Variants in SLC4A11 observed in about 807,000 individuals in gnomAD.
SLC4A11 encodes bicarbonate transporter related protein 1.
In SLC4A11, 74 loss-of-function variants were observed where a neutral mutation model predicts 95.0. The ratio of observed to expected loss-of-function variants is 0.78; its 90% CI spans 0.65 to 0.95. SLC4A11 has a LOEUF of 0.95. Ranked by LOEUF, SLC4A11 falls within the 40% of genes least tolerant of loss-of-function variation. The pLI, the probability that SLC4A11 is intolerant of heterozygous loss-of-function variation, is 0.00. For synonymous variants in SLC4A11, 548 were observed against 519.0 expected, an observed-to-expected ratio of 1.06 and a Z score of -0.76; for missense variants, 1,081 against 1,192.4, an observed-to-expected ratio of 0.91 and a Z score of 1.38.
intron 2 of SLC4A11, among the ~76,000 whole-genome samples, chr20:3,235,419 C>T (rs574836431): frequency 6.6e-6 from 1 of 151,794 alleles, no homozygotes; most frequent in Non-Finnish European, 1.5e-5. Context: ...GGAGAAGCAT[C>T]GAGGCTGAGA....
intron 2 of SLC4A11, among the ~76,000 whole-genome samples, chr20:3,236,823 C>T (rs971298433): frequency 1.3e-5 from 2 of 152,058 alleles, no homozygotes; most frequent in Non-Finnish European, 2.9e-5. Context: ...CTCAGCTCTA[C>T]CTTAGACTTA....
chr20:3,230,700 G>A, intron 11 of SLC4A11, 32 bp downstream of exon 11: 1 of 1,612,964 alleles, frequency 6.2e-7, no homozygotes, highest in Non-Finnish European at 8.5e-7. Context: ...AGGGGTCTCA[G>A]GCACCATCTC....
intron 13 of SLC4A11, 115 bp downstream of exon 13, chr20:3,230,072 T>C: frequency 7.6e-7 from 1 of 1,313,906 alleles, no homozygotes; most frequent in Non-Finnish European, 1.1e-6. Flanking sequence ...GCACCCTTGA[T>C]CACGGGCACA....
chr20:3,227,941 C>A, intron 19 of SLC4A11, 85 bp from the exon 20 acceptor site: 1 of 1,313,274 alleles, frequency 7.6e-7, no homozygotes, highest in South Asian at 1.3e-5. Context: ...AGCCCACCCA[C>A]AGGGCCAGGC....
rs1207066836 is a variant in SLC4A11 at position 3,231,397 on chromosome 20, T to C, written c.881A>G (p.His294Arg). 3 of 1,614,078 alleles carry C rather than the reference T, an allele frequency of 1.9e-6. No individual in the cohort carries two copies. Among genetic ancestry groups the C allele is most frequent in the South Asian group, 1.1e-5 (1 of 91,084 alleles). The part of the protein sequence containing the change: ...HQRQLLTMVS[H>R]GPVAPRTKER... Reference sequence around the variant, plus strand: ...CTTCGTTCTCGGCGCCACTGGACCGTGGCTCACCATGGTGAGCAGCTGTCT... The same window carrying C: ...CTTCGTTCTCGGCGCCACTGGACCGCGGCTCACCATGGTGAGCAGCTGTCT... Residue 294 changes from histidine to arginine, a missense_variant, in exon 8 of 20, where the codon CAC (histidine) becomes CGC (arginine). His to Arg is a conservative substitution (Grantham distance 29). Coordinates refer to ENST00000642402, the MANE Select transcript of SLC4A11 (RefSeq NM_001174089.2). This position sits in a 1 kb window ranked among gnomAD's most constrained non-coding sequence, Gnocchi z 5.2.
Position 3,230,647 on chromosome 20 carries a change from A to G in SLC4A11, c.1283T>C (p.Val428Ala), listed in dbSNP as rs2122542923. ...TTAPLALYIQ[V>A]IRVICDDYDL... ...ATAGTCATCACAGATGACACGAATC[A>G]CTGCAGGCAGGGGGCAGGGCGGGTC... Residue 428 changes from valine (V) to alanine (A), a missense_variant and splice_region_variant, in exon 12 of 20, where the codon GTG becomes GCG. By Grantham distance (64) the Val-to-Ala change is moderately conservative (BLOSUM62 0). This residue lies in a region of SLC4A11 where 767 missense variants were observed against 858.0 expected (regional missense o/e 0.89). Coordinates refer to ENST00000642402, the MANE Select transcript of SLC4A11 (RefSeq NM_001174089.2). The G allele has an allele frequency of 6.2e-7, 1 of 1,613,362 alleles. No individual in the cohort carries two copies. Among genetic ancestry groups the G allele is most frequent in the East Asian group, 2.2e-5 (1 of 44,838 alleles).
At position 3,234,774 on chromosome 20, in the gene SLC4A11, T is replaced by C. The variant is rs371191159; in HGVS notation, c.209A>G (p.Asn70Ser). The C allele has an allele frequency of 4.5e-5, 72 of 1,613,822 alleles. No individual in the cohort carries two copies. In the Middle Eastern group the frequency reaches 4.9e-4, roughly 11 times the overall value. ...VSGESIRFFV[N>S]VNLEMQATNT... is the part of the protein sequence containing the mutation. ...GGTGGCCTGCATCTCAAGGTTGACATTGACAAAAAAACGGATACTCTCGCC... is the reference window on the plus strand; with the variant it reads ...GGTGGCCTGCATCTCAAGGTTGACACTGACAAAAAAACGGATACTCTCGCC... Residue 70 changes from asparagine (N) to serine (S), a missense_variant, in exon 3 of 20, where the codon AAT becomes AGT. Transcript: ENST00000642402. The surrounding 1 kb of genome is among the most constrained non-coding windows in gnomAD (Gnocchi z 5.8).
intron 10 of SLC4A11, 33 bp downstream of exon 10, chr20:3,230,900 A>ACCCCCCCCCCCCCCCC: frequency 1.2e-6 from 2 of 1,610,700 alleles, no homozygotes; most frequent in Non-Finnish European, 1.7e-6. Context: ...AGCCCAGCAT[A>ACCCCCCCCCCCCCCCC]CCCCCACCCA....
At chr20:3,229,842 G>A (rs1414498271) in intron 13 of SLC4A11, 66 bp from the exon 14 acceptor site, 11 of 1,607,134 alleles carry the variant, frequency 6.8e-6, no homozygotes, top group Admixed American at 1.7e-5. Flanking sequence ...CCTGGAGGGA[G>A]GGGATCTCAG....
At position 3,228,426 on chromosome 20, in the gene SLC4A11, A is replaced by G; in HGVS notation, c.2391T>C (p.Thr797=). 1 of 1,613,124 alleles carries G rather than the reference A, an allele frequency of 6.2e-7. No individual in the cohort carries two copies. The highest frequency in any genetic ancestry group is 1.3e-5 in the African/African-American group (1 of 75,020). The part of the protein sequence containing the change: ...QRVALLLKEQ[T]AYPPTHYIRR... ...GGATGTAGTGTGTCGGGGGGTACGC[A>G]GTCTGTGGGCGGCAGGGACCGGGTG... is the stretch of plus-strand genomic sequence containing the variant. The change falls in exon 19 of 20, where the codon ACT becomes ACC. Residue 797 remains threonine (T), a splice_region_variant and synonymous_variant. Transcript: ENST00000642402.
rs751298338 is a variant in SLC4A11, at chr20:3,234,181, C to A, written c.425G>T (p.Arg142Leu). ...LDNVLRTMLR[R>L]FARDPDNNEP... is the part of the protein sequence containing the mutation. ...ATTGTTGTCAGGGTCCCTGGCGAAG[C>A]GGCGAAGCATGGTCCGCAGCACGTT... Residue 142 changes from arginine to leucine, a missense_variant, in exon 5 of 20, where the codon CGC (arginine) becomes CTC (leucine). Arg to Leu is a moderately radical substitution (Grantham distance 102). Around this residue, in one of 3 missense-constraint regions of SLC4A11, gnomAD observed 310 missense variants for 313.5 expected, o/e 0.99. Coordinates refer to ENST00000642402, the MANE Select transcript of SLC4A11 (RefSeq NM_001174089.2). The surrounding 1 kb of genome is among the most constrained non-coding windows in gnomAD (Gnocchi z 5.8). 1 of 1,613,928 alleles carries A rather than the reference C, an allele frequency of 6.2e-7. No individual in the cohort carries two copies. The highest frequency in any genetic ancestry group is 1.1e-5 in the South Asian group (1 of 91,076).
At chr20:3,238,395 G>C (rs1003009200) in intron 1 of SLC4A11, 2 of 984,878 alleles carry the variant, frequency 2.0e-6, no homozygotes, top group Non-Finnish European at 2.4e-6. Context: ...GAATGCAGGC[G>C]CGGGGCGGGA....
chr20:3,233,044 A>G (rs2067832426), intron 7 of SLC4A11, among the ~76,000 whole-genome samples: 1 of 152,232 alleles, frequency 6.6e-6, no homozygotes, highest in Admixed American at 6.5e-5. Context: ...GGCGCTGCCA[A>G]GGCCTTGGGA....
chr20:3,233,767 T>C, intron 6 of SLC4A11, 130 bp from the exon 7 acceptor site: 2 of 1,529,446 alleles, frequency 1.3e-6, no homozygotes, highest in South Asian at 1.1e-5. Flanking sequence ...AAATGGGACG[T>C]TCCTTGGCAG....
chr20:3,229,065 G>GCCCACCCCACCCTCA (rs2067651782), intron 16 of SLC4A11, 30 bp downstream of exon 16: 1 of 214,426 alleles, frequency 4.7e-6, no homozygotes. Flanking sequence ...CCCGGGCCCC[G>GCCCACCCCACCCTCA]CCCACCCCAC....
In SLC4A11 at chr20:3,234,735, C is replaced by T. The variant is rs571561778; in HGVS notation, c.241+7G>A. ...CCCCCAGTCTGCCCCTGCTGCAGCC[C>T]CCATACCAGTGTTGGTGGCCTGCAT... On this transcript the variant is annotated splice_region_variant and intron_variant, in intron 3 of 19. Transcript: ENST00000642402. This position sits in a 1 kb window ranked among gnomAD's most constrained non-coding sequence, Gnocchi z 5.8. 4 of 1,613,972 alleles carry T rather than the reference C, an allele frequency of 2.5e-6. No homozygotes were observed. Among genetic ancestry groups the T allele is most frequent in the African/African-American group, 1.3e-5 (1 of 75,020 alleles).
In SLC4A11 at chr20:3,231,696, C is replaced by T. The variant is rs1168919746; in HGVS notation, c.730-148G>A. The stretch of plus-strand genomic sequence containing the variant: ...TTTGAGACAGGGTCTCACTGTCACC[C>T]AGGCTGAGTGCAGTGGCACACTCAC... On this transcript the variant is annotated intron_variant, in intron 7 of 19. Transcript: ENST00000642402. This position sits in a 1 kb window ranked among gnomAD's most constrained non-coding sequence, Gnocchi z 5.2. The T allele has an allele frequency of 5.5e-6, 4 of 727,698 alleles. No homozygotes were observed. The highest frequency in any genetic ancestry group is 5.4e-5 in the East Asian group (2 of 37,062). 45.1% of individuals were successfully genotyped at this position (727,698 alleles called of 1,614,324 possible).
Position 3,230,861 on chromosome 20 carries a change from G to A in SLC4A11, c.1169-16C>T. ...TTCTGCACGTCTGTGGGGGTGCGGAGGTCAGGTGGGCGCCGCAGCCCAGGG... is the reference window on the plus strand; with the variant it reads ...TTCTGCACGTCTGTGGGGGTGCGGAAGTCAGGTGGGCGCCGCAGCCCAGGG... On this transcript the variant is annotated splice_polypyrimidine_tract_variant and intron_variant, in intron 10 of 19. Transcript: ENST00000642402. 1.2e-6 allele frequency: 2 copies of A among 1,612,850 alleles called. No homozygotes were observed. The highest frequency in any genetic ancestry group is 1.7e-6 in the Non-Finnish European group (2 of 1,179,752).
chr20:3,238,553 T>G, intron 1 of SLC4A11: 1 of 991,002 alleles, frequency 1.0e-6, no homozygotes, highest in Non-Finnish European at 1.2e-6. Flanking sequence ...CAAACCTGGG[T>G]CCTGGCGGGG....
Sources: gnomAD v4.1 joint callset for allele counts (sites outside exome capture counted in the v4.1 genomes callset) on GRCh38, gnomAD v4.1.1 for gene constraint, gnomAD v4.1.1 regional missense constraint, Gnocchi (gnomAD v3.1) non-coding constraint, MANE v1.5 for transcripts, NCBI Gene and HGNC (gene_info 2026-07-23, HGNC 2026-07-21) for gene names.